The following SCEL variants were observed in gnomAD, a reference collection of about 807,000 sequenced individuals.
The protein encoded by SCEL is sciellin.
In SCEL, 113 loss-of-function variants were observed where a neutral mutation model predicts 117.6. That is an observed-to-expected ratio of 0.96 (90% CI 0.83 to 1.12). The LOEUF (loss-of-function observed/expected upper bound fraction) is 1.12, where lower values mean the gene tolerates loss of function less well. Among genes scored for constraint, SCEL ranks in the 50% most tolerant of loss-of-function variants. The pLI is 0.00. For missense variants in SCEL, 785 were observed against 810.8 expected (o/e 0.97, Z 0.39); for synonymous variants, 270 against 256.2 (o/e 1.05, Z -0.51).
intron 24 of SCEL, 129 bp downstream of exon 24, chr13:77,614,084 G>A: frequency 1.3e-6 from 1 of 771,708 alleles, no homozygotes; most frequent in Non-Finnish European, 2.2e-6. Flanking sequence ...TGGAAACCTA[G>A]ATGTCTCAGT....
rs189545216 is a variant in SCEL, at chr13:77,599,214, T to A, written c.798-115T>A. On this transcript the variant is annotated intron_variant, in intron 13 of 32. Coordinates refer to ENST00000349847, the MANE Select transcript of SCEL (RefSeq NM_144777.3). ...TACCTATTTCAAGAATTGTAGCTCA[T>A]CTTCCCCAACAAGCTTCTGTTTCCT... 5.7e-6 allele frequency: 4 copies of A among 702,798 alleles called. No individual in the cohort carries two copies. The East Asian group carries it at 1.1e-4, about 19-fold the overall frequency. The allele number at this position is 702,798 out of a possible 1,614,324, so 43.5% of individuals were successfully genotyped here.
intron 11 of SCEL, 32 bp from the exon 12 acceptor site, chr13:77,593,482 A>G: frequency 6.4e-7 from 1 of 1,553,752 alleles, no homozygotes; most frequent in South Asian, 1.1e-5. Flanking sequence ...CTCGACTATC[A>G]TTGACCTGTA....
At chr13:77,566,036 C>A (rs551439534) in intron 5 of SCEL, among the ~76,000 whole-genome samples, 1 of 152,258 alleles carries the variant, frequency 6.6e-6, no homozygotes, top group Admixed American at 6.5e-5. Flanking sequence ...TCTCCCACAG[C>A]AATAAGAAAT....
intron 1 of SCEL, among the ~76,000 whole-genome samples, chr13:77,540,702 A>G (rs532676841): frequency 6.6e-6 from 1 of 152,288 alleles, no homozygotes; most frequent in South Asian, 2.1e-4. Context: ...CTGAAGCCAG[A>G]GTGTGAGTGG....
At chr13:77,553,516 G>A (rs1389147328) in intron 1 of SCEL, among the ~76,000 whole-genome samples, 1 of 152,134 alleles carries the variant, frequency 6.6e-6, no homozygotes, top group African/African-American at 2.4e-5. Context: ...CCAGACAGAG[G>A]CAAAATAGTC....
At chr13:77,630,697 G>A (rs1282579547) in intron 28 of SCEL, among the ~76,000 whole-genome samples, 1 of 152,198 alleles carries the variant, frequency 6.6e-6, no homozygotes, top group Non-Finnish European at 1.5e-5. Flanking sequence ...AATTTACACT[G>A]TAGGGAACAT....
At chr13:77,573,367 A>C (rs1202014239) in intron 9 of SCEL, among the ~76,000 whole-genome samples, 2 of 152,190 alleles carry the variant, frequency 1.3e-5, no homozygotes, top group African/African-American at 4.8e-5. Context: ...GAATATTTTC[A>C]TGTTTCAATG....
At chr13:77,600,790 A>T (rs1296952402) in intron 15 of SCEL, among the ~76,000 whole-genome samples, 1 of 152,192 alleles carries the variant, frequency 6.6e-6, no homozygotes, top group Non-Finnish European at 1.5e-5. Flanking sequence ...TGCCTTCCAG[A>T]TTGGCTGTTT....
At chr13:77,599,813 G>C in intron 15 of SCEL, 65 bp downstream of exon 15, 1 of 1,147,458 alleles carries the variant, frequency 8.7e-7, no homozygotes, top group Non-Finnish European at 1.3e-6. Context: ...TTCTGGAGGA[G>C]ACCTCCTGCT....
chr13:77,594,407 T>C (rs930912448), intron 12 of SCEL, among the ~76,000 whole-genome samples: 11 of 152,228 alleles, frequency 7.2e-5, no homozygotes, highest in Non-Finnish European at 1.5e-4. Flanking sequence ...GCTTTGTTTA[T>C]ACCACATGGT....
chr13:77,609,063 A>C lies in SCEL; in HGVS notation c.1223A>C (p.Lys408Thr), dbSNP rs2088444419. 6.3e-7 allele frequency: 1 copy of C among 1,589,934 alleles called. No individual in the cohort carries two copies. Among genetic ancestry groups the C allele is most frequent in the Non-Finnish European group, 8.5e-7 (1 of 1,173,222 alleles). Residue 408 changes from lysine (K) to threonine (T), a missense_variant, in exon 21 of 33, where the codon AAA becomes ACA. Coordinates refer to ENST00000349847, the MANE Select transcript of SCEL (RefSeq NM_144777.3). Reference protein sequence around the residue: ...PEVKRSNQGSKDLNNFIKVYP... With the variant: ...PEVKRSNQGSTDLNNFIKVYP... ...TTTTGTTTTTTTGTTTGAAGTTCCA[A>C]AGACCTTAATAACTTCATCAAAGTG... is the stretch of plus-strand genomic sequence containing the variant.
At chr13:77,558,095 T>C (rs1226057609) in intron 3 of SCEL, among the ~76,000 whole-genome samples, 1 of 152,234 alleles carries the variant, frequency 6.6e-6, no homozygotes, top group Non-Finnish European at 1.5e-5. Context: ...TCTGTAGTGA[T>C]AGTGTCATGT....
chr13:77,557,734 G>T (rs1483239016), intron 3 of SCEL, among the ~76,000 whole-genome samples: 3 of 152,156 alleles, frequency 2.0e-5, no homozygotes, highest in African/African-American at 7.2e-5. Flanking sequence ...TATTTAATGC[G>T]TAGAGAACAG....
intron 27 of SCEL, among the ~76,000 whole-genome samples, chr13:77,620,639 C>T (rs563398984): frequency 1.3e-5 from 2 of 152,270 alleles, no homozygotes; most frequent in African/African-American, 2.4e-5. Flanking sequence ...TTCACATTTT[C>T]ATCAACCAGT....
chr13:77,574,539 A>G (rs1048084741), intron 9 of SCEL, among the ~76,000 whole-genome samples: 4 of 152,210 alleles, frequency 2.6e-5, no homozygotes, highest in African/African-American at 9.6e-5. Context: ...AATAATAACA[A>G]TATAGCAATG....
Position 77,627,968 on chromosome 13 carries a change from A to G in SCEL, c.1650A>G (p.Leu550=). ...NTNRDQNLEN[L]IEVNSHVSEN... is the part of the protein sequence containing the mutation. ...TTAGAGACCAGAACCTGGAAAATTT[A>G]ATTGAAGTAAATTCTCATGTGTCTG... Residue 550 remains leucine, a synonymous_variant, in exon 28 of 33, where the codon TTA becomes TTG. Transcript: ENST00000349847. 6.7e-7 allele frequency: 1 copy of G among 1,493,374 alleles called. No homozygotes were observed. Among genetic ancestry groups the G allele is most frequent in the South Asian group, 1.3e-5 (1 of 76,234 alleles). 92.5% of individuals were successfully genotyped at this position (1,493,374 alleles called of 1,614,324 possible). A position where few individuals can be genotyped will look rare whatever the true frequency, so the allele number is the denominator to read the frequency against.
intron 1 of SCEL, among the ~76,000 whole-genome samples, chr13:77,552,382 C>T (rs962035169): frequency 2.2e-4 from 33 of 151,892 alleles, no homozygotes; most frequent in African/African-American, 7.7e-4. Flanking sequence ...TTAATGATTG[C>T]CATTCTAACT....
chr13:77,628,191 T>TATAA (rs2089857274), intron 28 of SCEL, among the ~76,000 whole-genome samples, 182 bp downstream of exon 28: 2 of 144,384 alleles, frequency 1.4e-5, no homozygotes, highest in African/African-American at 2.5e-5. Flanking sequence ...TATATATATA[T>TATAA]CATCCAAATA....
At chr13:77,642,834 A>C in intron 32 of SCEL, 26 bp downstream of exon 32, 1 of 1,321,704 alleles carries the variant, frequency 7.6e-7, no homozygotes, top group Non-Finnish European at 1.1e-6. Flanking sequence ...TAAGCATTTA[A>C]CACTTTGGTT....
Sources: allele counts gnomAD v4.1 joint callset (sites outside exome capture counted in the v4.1 genomes callset), GRCh38; gene constraint gnomAD v4.1.1; transcripts MANE v1.5; gene names NCBI Gene and HGNC (gene_info 2026-07-23, HGNC 2026-07-21).